Variants in FSTL5 observed in about 807,000 individuals in gnomAD.
FSTL5 encodes follistatin like 5, also known as follistatin-related protein 5.
FSTL5 carries 62 observed loss-of-function variants against 89.1 expected under a neutral mutation model. The observed-to-expected ratio is 0.70, with a 90% CI of 0.57 to 0.86. The LOEUF is 0.86. Among genes scored for constraint, FSTL5 ranks in the 40% least tolerant of loss-of-function variants. The pLI is 0.00. For synonymous variants in FSTL5, 383 were observed against 346.2 expected (o/e 1.11, Z -1.18); for missense variants, 1,057 against 1,001.6 (o/e 1.06, Z -0.75).
At chr4:161,863,467 T>C (rs1425086644) in intron 4 of FSTL5, among the ~76,000 whole-genome samples, 1 of 152,144 alleles carries the variant, frequency 6.6e-6, no homozygotes, top group African/African-American at 2.4e-5. Flanking sequence ...TTTGTTGCAA[T>C]AGTTACAACA....
intron 9 of FSTL5, among the ~76,000 whole-genome samples, chr4:161,538,836 T>A (rs1476542157): frequency 6.6e-6 from 1 of 152,126 alleles, no homozygotes; most frequent in Non-Finnish European, 1.5e-5. Context: ...CGATCTCAGC[T>A]CACTGTAACC....
At chr4:161,720,783 T>C (rs929083801) in intron 6 of FSTL5, among the ~76,000 whole-genome samples, 1 of 152,148 alleles carries the variant, frequency 6.6e-6, no homozygotes, top group Admixed American at 6.5e-5. Flanking sequence ...AAATACTACA[T>C]AATTCCACTT....
chr4:161,634,877 T>G (rs1212517053), intron 7 of FSTL5, among the ~76,000 whole-genome samples: 1 of 152,200 alleles, frequency 6.6e-6, no homozygotes, highest in African/African-American at 2.4e-5. Flanking sequence ...CTAATTATTA[T>G]CATCACACAC....
At chr4:161,492,615 C>A (rs1419962786) in intron 12 of FSTL5, among the ~76,000 whole-genome samples, 1 of 152,036 alleles carries the variant, frequency 6.6e-6, no homozygotes, top group Non-Finnish European at 1.5e-5. Context: ...AATATTGACT[C>A]TGCCACTAAT....
At chr4:162,102,828 T>C (rs769490846) in intron 2 of FSTL5, among the ~76,000 whole-genome samples, 3 of 148,142 alleles carry the variant, frequency 2.0e-5, no homozygotes, top group Non-Finnish European at 4.5e-5. Flanking sequence ...GGCTTTAATA[T>C]ACTATAGACA....
chr4:162,080,093 A>G (rs1450545791), intron 2 of FSTL5, among the ~76,000 whole-genome samples: 2 of 151,546 alleles, frequency 1.3e-5, no homozygotes, highest in African/African-American at 4.8e-5. Flanking sequence ...ACTTCACATG[A>G]GCCTTTAACT....
chr4:161,643,577 G>A (rs1457879256), intron 7 of FSTL5, among the ~76,000 whole-genome samples: 3 of 151,698 alleles, frequency 2.0e-5, no homozygotes, highest in South Asian at 4.2e-4. Context: ...AAACATAGCA[G>A]TTAAATCAAT....
At chr4:161,570,126 T>C (rs570151201) in intron 8 of FSTL5, among the ~76,000 whole-genome samples, 2 of 152,130 alleles carry the variant, frequency 1.3e-5, no homozygotes, top group Non-Finnish European at 2.9e-5. Flanking sequence ...AAGTAGTGTG[T>C]AGAGTATTTT....
intron 4 of FSTL5, among the ~76,000 whole-genome samples, chr4:161,906,229 T>C (rs984279735): frequency 6.6e-6 from 1 of 151,994 alleles, no homozygotes; most frequent in African/African-American, 2.4e-5. Flanking sequence ...ATAACCATAC[T>C]TTCTTTCTTT....
chr4:162,084,765 AC>A (rs1730242330), intron 2 of FSTL5, among the ~76,000 whole-genome samples: 1 of 151,812 alleles, frequency 6.6e-6, no homozygotes, highest in Non-Finnish European at 1.5e-5. Flanking sequence ...ACACACCGGC[AC>A]CTACCAGGGG....
At chr4:161,392,100 G>A (rs1730840820) in intron 15 of FSTL5, among the ~76,000 whole-genome samples, 1 of 152,090 alleles carries the variant, frequency 6.6e-6, no homozygotes. Flanking sequence ...AATCAAAACC[G>A]AAATCCATAA....
chr4:161,644,258 G>A (rs1329124670), intron 7 of FSTL5, among the ~76,000 whole-genome samples: 4 of 152,182 alleles, frequency 2.6e-5, no homozygotes, highest in Admixed American at 2.6e-4. Context: ...TGGGTACGGT[G>A]GCTCAAGCCT....
intron 15 of FSTL5, among the ~76,000 whole-genome samples, chr4:161,454,773 T>G (rs1733288933): frequency 6.6e-6 from 1 of 152,178 alleles, no homozygotes; most frequent in African/African-American, 2.4e-5. Context: ...AAAATAAAAC[T>G]GTATTTTCAC....
intron 3 of FSTL5, among the ~76,000 whole-genome samples, chr4:162,004,535 C>T (rs117678269): frequency 5.3e-5 from 8 of 152,200 alleles, no homozygotes; most frequent in East Asian, 3.9e-4. Flanking sequence ...TTTGCTCTTG[C>T]GGTTATAACT....
At chr4:162,131,005 A>G (rs1732281336) in intron 1 of FSTL5, among the ~76,000 whole-genome samples, 3 of 152,194 alleles carry the variant, frequency 2.0e-5, no homozygotes, top group Admixed American at 1.3e-4. Context: ...TTAGAGAGTC[A>G]TATTTTCTGG....
intron 3 of FSTL5, among the ~76,000 whole-genome samples, chr4:162,019,509 AT>A (rs1235460281): frequency 1.3e-5 from 2 of 152,078 alleles, no homozygotes; most frequent in African/African-American, 4.8e-5. Flanking sequence ...TGATTAAAAA[AT>A]GTATCATATT....
intron 10 of FSTL5, among the ~76,000 whole-genome samples, chr4:161,514,341 G>C (rs1202199136): frequency 1.3e-5 from 2 of 151,962 alleles, no homozygotes; most frequent in Admixed American, 6.6e-5. Context: ...GGAACCACAG[G>C]CCAGTATCCT....
At chr4:161,762,158 T>C (rs1740831730) in intron 5 of FSTL5, among the ~76,000 whole-genome samples, 1 of 152,118 alleles carries the variant, frequency 6.6e-6, no homozygotes, top group Non-Finnish European at 1.5e-5. Flanking sequence ...TGTTTGTTTG[T>C]TTTTGTTTTT....
chr4:161,394,801 C>T (rs796069198), intron 15 of FSTL5, among the ~76,000 whole-genome samples: 6 of 152,098 alleles, frequency 3.9e-5, no homozygotes, highest in African/African-American at 1.4e-4. Context: ...TTTTGGTTTG[C>T]ATGTTTTGGG....
Sources: allele counts gnomAD v4.1 joint callset (sites outside exome capture counted in the v4.1 genomes callset), GRCh38; gene constraint gnomAD v4.1.1; transcripts MANE v1.5; gene names NCBI Gene and HGNC (gene_info 2026-07-23, HGNC 2026-07-21).